AGO1: variants seen among roughly 807,000 people sequenced by gnomAD.
AGO1 encodes the protein argonaute RISC component 1.
Under a neutral mutation model 109.2 loss-of-function variants are expected in AGO1, and 11 were observed. The ratio of observed to expected loss-of-function variants is 0.10; its 90% confidence interval spans 0.06 to 0.17. The LOEUF is 0.17. Among genes scored for constraint, AGO1 ranks in the 10% least tolerant of loss-of-function variants. The probability of loss-of-function intolerance (pLI) is 1.00; values close to 1 mark genes in which losing one functional copy is unlikely to be tolerated. For synonymous variants in AGO1, 422 were observed against 418.6 expected (o/e 1.01, Z -0.10); for missense variants, 574 against 1,140.3 (o/e 0.50, Z 7.15).
upstream of AGO1, among the ~76,000 whole-genome samples, chr1:35,879,793 C>T (rs551490846): frequency 9.4e-5 from 13 of 138,552 alleles, no homozygotes; most frequent in East Asian, 2.3e-3. Context: ...CCATTTTACT[C>T]TGCCACTTTG....
intron 8 of AGO1, among the ~76,000 whole-genome samples, chr1:35,898,254 T>C (rs1193002072): frequency 2.0e-5 from 3 of 152,062 alleles, no homozygotes; most frequent in South Asian, 2.1e-4. Flanking sequence ...TAACAATGTT[T>C]AACATCTTTT....
intron 8 of AGO1, among the ~76,000 whole-genome samples, chr1:35,896,114 C>T (rs769562122): frequency 1.3e-5 from 2 of 152,168 alleles, no homozygotes; most frequent in Non-Finnish European, 2.9e-5. Flanking sequence ...ATTCTCCTGC[C>T]TCAGCCTCCT....
At position 35,919,629 on chromosome 1, in the gene AGO1, C is replaced by A; in HGVS notation, c.*22C>A. 1 of 1,603,450 alleles carries A rather than the reference C, an allele frequency of 6.2e-7. No individual in the cohort carries two copies. The highest frequency in any genetic ancestry group is 8.5e-7 in the Non-Finnish European group (1 of 1,172,794). ...TTGAAGGCAGAACGCTGTTACCTCA[C>A]TGGATAGAAGAAAGCTTTCCAAGCC... On this transcript the variant is annotated 3_prime_UTR_variant, in exon 19 of 19. Transcript: ENST00000373204. The surrounding 1 kb of genome is among the most constrained non-coding windows in gnomAD (Gnocchi z 6.6).
At chr1:35,900,591 G>A (rs1413749574) in intron 8 of AGO1, among the ~76,000 whole-genome samples, 1 of 152,108 alleles carries the variant, frequency 6.6e-6, no homozygotes, top group Non-Finnish European at 1.5e-5. Flanking sequence ...GCCGGGCATG[G>A]TAGCACATGA....
rs1047055048 is a variant in AGO1 at position 35,926,070 on chromosome 1, A to G, written c.*6463A>G. ...GAGGTTGGTTGAACTTGAAGAGCAGATTGGACATGGAGCAGATTTTGACCA... is the reference window on the plus strand; with the variant it reads ...GAGGTTGGTTGAACTTGAAGAGCAGGTTGGACATGGAGCAGATTTTGACCA... On this transcript the variant is annotated 3_prime_UTR_variant, in exon 19 of 19. Transcript: ENST00000373204. 2.6e-5 allele frequency: 4 copies of G among 152,222 alleles called. No individual in the cohort carries two copies. The highest frequency in any genetic ancestry group is 4.4e-5 in the Non-Finnish European group (3 of 68,056). The allele number at this position is 152,222 out of a possible 1,614,324, so 9.4% of individuals were successfully genotyped here.
chr1:35,882,142 G>C (rs1645043307), upstream of AGO1, among the ~76,000 whole-genome samples: 1 of 152,212 alleles, frequency 6.6e-6, no homozygotes, highest in Admixed American at 6.5e-5. This position sits in a 1 kb window ranked among gnomAD's most constrained non-coding sequence, Gnocchi z 5.1. Flanking sequence ...GTTTGTGAGT[G>C]AAAGATAAAG....
In AGO1 at chr1:35,885,914, C is replaced by A. The variant is rs528960290; in HGVS notation, c.25+2468C>A. On this transcript the variant is annotated intron_variant, in intron 1 of 18. Coordinates refer to ENST00000373204, the MANE Select transcript of AGO1 (RefSeq NM_012199.5). ...AGTGTATACTCACATGGAACAGATC[C>A]TTTTTGGAGAGATTGGCTTGTTAGT... Among the ~76,000 whole-genome samples, 9 of 152,332 alleles carry A rather than the reference C, an allele frequency of 5.9e-5. No individual in the cohort carries two copies. The East Asian group carries it at 1.7e-3, about 29-fold the overall frequency.
chr1:35,877,370 G>A (rs1186647281), intron 1 of AGO1, among the ~76,000 whole-genome samples: 1 of 152,074 alleles, frequency 6.6e-6, no homozygotes, highest in African/African-American at 2.4e-5. Flanking sequence ...TTCTGTTAAT[G>A]CTGCTTAGTA....
At chr1:35,884,053 G>C (rs914231429) in intron 1 of AGO1, among the ~76,000 whole-genome samples, 39 of 152,216 alleles carry the variant, frequency 2.6e-4, no homozygotes, top group Non-Finnish European at 5.9e-5. Context: ...CCGACGTGGT[G>C]GGGGCGTGGC....
At chr1:35,884,954 C>T (rs1352209755) in intron 1 of AGO1, among the ~76,000 whole-genome samples, 2 of 152,178 alleles carry the variant, frequency 1.3e-5, no homozygotes, top group Non-Finnish European at 2.9e-5. Flanking sequence ...TCATTACTTT[C>T]CTAGTGGAAT....
intron 1 of AGO1, among the ~76,000 whole-genome samples, chr1:35,885,762 G>A (rs1342662623): frequency 6.6e-6 from 1 of 152,222 alleles, no homozygotes; most frequent in African/African-American, 2.4e-5. Context: ...GCAGTGTCTG[G>A]TTTATTTGTA....
At chr1:35,914,615 G>T (rs528716125) in intron 14 of AGO1, among the ~76,000 whole-genome samples, 1 of 152,260 alleles carries the variant, frequency 6.6e-6, no homozygotes, top group South Asian at 2.1e-4. Flanking sequence ...ACTTAGTTGC[G>T]AGGACTATCC....
chr1:35,894,219 A>C (rs1439456056), intron 6 of AGO1, 48 bp downstream of exon 6: 4 of 1,578,000 alleles, frequency 2.5e-6, no homozygotes, highest in Non-Finnish European at 3.4e-6. Context: ...CTTTAGCCCT[A>C]AGAGGAAATC....
chr1:35,902,183 G>A lies in AGO1; in HGVS notation c.1264-21G>A, dbSNP rs58943600. ...TGACTCTACTGAGGCTCACCTAGGC[G>A]CCCCCTCTACCTATCCCCAGAACCG... On this transcript the variant is annotated intron_variant, in intron 10 of 18. Coordinates refer to ENST00000373204, the MANE Select transcript of AGO1 (RefSeq NM_012199.5). 9.9e-6 allele frequency: 16 copies of A among 1,608,272 alleles called. 1 individual carries two copies. Among genetic ancestry groups the A allele is most frequent in the East Asian group, 8.9e-5 (4 of 44,754 alleles).
At chr1:35,913,810 A>G (rs369741694) in intron 12 of AGO1, 32 bp from the exon 13 acceptor site, 1 of 1,605,516 alleles carries the variant, frequency 6.2e-7, no homozygotes, top group Non-Finnish European at 8.5e-7. Context: ...ATATTTGTTG[A>G]ATGCACTAAT....
At chr1:35,910,190 T>A (rs1645607736) in intron 12 of AGO1, among the ~76,000 whole-genome samples, 1 of 149,142 alleles carries the variant, frequency 6.7e-6, no homozygotes, top group South Asian at 2.1e-4. Context: ...GTCAGATTCT[T>A]CTAAAGACCC....
intron 1 of AGO1, among the ~76,000 whole-genome samples, chr1:35,887,368 A>T (rs749620802): frequency 6.6e-6 from 1 of 152,172 alleles, no homozygotes; most frequent in Non-Finnish European, 1.5e-5. Flanking sequence ...CAATAGCAGC[A>T]TATTATTCCC....
chr1:35,929,293 G>A lies in AGO1; in HGVS notation c.*9686G>A, dbSNP rs1645990904. The A allele has an allele frequency of 1.3e-5, 2 of 152,222 alleles. No homozygotes were observed. Among genetic ancestry groups the A allele is most frequent in the Admixed American group, 1.3e-4 (2 of 15,288 alleles). 9.4% of individuals were successfully genotyped at this position (152,222 alleles called of 1,614,324 possible). A position where few individuals can be genotyped will look rare whatever the true frequency, so the allele number is the denominator to read the frequency against. On this transcript the variant is annotated 3_prime_UTR_variant, in exon 19 of 19. Transcript: ENST00000373204. The stretch of plus-strand genomic sequence containing the variant: ...CACATGCATTGACTCTAAAGAGGTG[G>A]GTTCCTGGATAGCAGAAGTAGATAG...
intron 1 of AGO1, among the ~76,000 whole-genome samples, chr1:35,871,013 G>A (rs1644945389): frequency 6.6e-6 from 1 of 152,070 alleles, no homozygotes; most frequent in African/African-American, 2.4e-5. Flanking sequence ...TCAATATTTT[G>A]CTATTACAAA....
Sources: allele counts gnomAD v4.1 joint callset (sites outside exome capture counted in the v4.1 genomes callset), GRCh38; gene constraint gnomAD v4.1.1; non-coding constraint Gnocchi (gnomAD v3.1); transcripts MANE v1.5; gene names NCBI Gene and HGNC (gene_info 2026-07-23, HGNC 2026-07-21).